Variants in TSSK4 observed in about 807,000 individuals in gnomAD.
The protein encoded by TSSK4 is testis-specific serine/threonine-protein kinase 4.
TSSK4 carries 22 observed loss-of-function variants against 28.5 expected under a neutral mutation model. The observed-to-expected ratio is 0.77, with a 90% confidence interval of 0.55 to 1.10. The LOEUF (loss-of-function observed/expected upper bound fraction) is 1.10. Among genes scored for constraint, TSSK4 ranks in the 50% least tolerant of loss-of-function variants. The pLI is 0.00. For synonymous variants in TSSK4, 151 were observed against 158.3 expected (o/e 0.95, Z 0.35); for missense variants, 329 against 415.4 (o/e 0.79, Z 1.81).
rs760082859 is a variant in TSSK4, at chr14:24,207,238, C to T, written c.563C>T (p.Pro188Leu). ...GCCAAGATGGTGCCTTCTAACCAGC[C>T]TGTGGGTTGTAGCCCTTCTTACCGC... ...GFAKMVPSNQ[P>L]VGCSPSYRQV... Residue 188 changes from proline to leucine, a missense_variant, in exon 3 of 4, where the codon CCT becomes CTT. Pro to Leu is a moderately conservative substitution (Grantham distance 98). Coordinates refer to ENST00000339917, the MANE Select transcript of TSSK4 (RefSeq NM_001184739.2). The T allele has an allele frequency of 1.2e-6, 2 of 1,614,072 alleles. No individual in the cohort carries two copies. Among genetic ancestry groups the T allele is most frequent in the African/African-American group, 1.3e-5 (1 of 74,932 alleles).
rs571823153 is a variant in TSSK4 at position 24,206,339 on chromosome 14, A to G, written c.226-170A>G. 7.9e-5 allele frequency among the ~76,000 whole-genome samples: 12 copies of G among 152,336 alleles called. No individual in the cohort carries two copies. In the South Asian group the frequency reaches 1.0e-3, roughly 13 times the overall value. ...TCCACCCACTCACCTTCAGTCCCCA[A>G]AAAGTAAAGGCACAAAACATAGCAT... On this transcript the variant is annotated intron_variant, in intron 1 of 3. Coordinates refer to ENST00000339917, the MANE Select transcript of TSSK4 (RefSeq NM_001184739.2).
At position 24,208,073 on chromosome 14, in the gene TSSK4, TC is replaced by T. The variant is rs1339832908; in HGVS notation, c.945del (p.Arg316GlyfsTer27). 1 of 1,614,194 alleles carries T rather than the reference TC, an allele frequency of 6.2e-7. No homozygotes were observed. The highest frequency in any genetic ancestry group is 1.1e-5 in the South Asian group (1 of 91,084). On this transcript the variant is annotated frameshift_variant, in exon 4 of 4. Coordinates refer to ENST00000339917, the MANE Select transcript of TSSK4 (RefSeq NM_001184739.2). LOFTEE classifies it high-confidence loss of function. ...CAGCCTGAGCAACCCACCCATGAGA[TC>T]AGGCTGCTTGAGGCCATGTGCCAGC... ...KFQPEQPTHE[I>X]RLLEAMCQLH...
intron 2 of TSSK4, 184 bp from the exon 3 acceptor site, chr14:24,206,932 G>T (rs921050643): frequency 1.0e-6 from 1 of 995,104 alleles, no homozygotes; most frequent in African/African-American, 1.6e-5. Flanking sequence ...AGCTCCCGGT[G>T]GTCCTCAGAT....
At chr14:24,207,787 T>A in intron 3 of TSSK4, 177 bp from the exon 4 acceptor site, 4 of 1,260,964 alleles carry the variant, frequency 3.2e-6, no homozygotes, top group Non-Finnish European at 4.5e-6. Context: ...AAGGAACTCT[T>A]CCCTTCCCCT....
At chr14:24,206,220 G>A in intron 1 of TSSK4, 72 bp downstream of exon 1, 1 of 1,429,574 alleles carries the variant, frequency 7.0e-7, no homozygotes, top group Admixed American at 1.8e-5. Context: ...GAAGGGGTAT[G>A]GCCAGGAGGG....
intron 3 of TSSK4, 180 bp from the exon 4 acceptor site, chr14:24,207,784 T>C: frequency 8.1e-7 from 1 of 1,236,118 alleles, no homozygotes; most frequent in Non-Finnish European, 1.1e-6. Context: ...CCCAAGGAAC[T>C]CTTCCCTTCC....
chr14:24,207,410 C>G lies in TSSK4; in HGVS notation c.735C>G (p.Ala245=). The G allele has an allele frequency of 1.9e-6, 3 of 1,614,182 alleles. No homozygotes were observed. Among genetic ancestry groups the G allele is most frequent in the Non-Finnish European group, 2.5e-6 (3 of 1,180,044 alleles). The change falls in exon 3 of 4, where the codon GCC becomes GCG. Residue 245 remains alanine, a synonymous_variant. Transcript: ENST00000339917. ...MGVILYTLVV[A]HLPFDDTNLK... is the part of the protein sequence containing the mutation. Reference sequence around the variant, plus strand: ...TCATCCTTTACACTCTAGTGGTCGCCCATCTGCCCTTTGATGACACCAATC... The same window carrying G: ...TCATCCTTTACACTCTAGTGGTCGCGCATCTGCCCTTTGATGACACCAATC...
rs145494283 is a variant in TSSK4, at chr14:24,206,625, C to A, written c.342C>A (p.Ile114=). The change falls in exon 2 of 4, where the codon ATC becomes ATA. Residue 114 remains isoleucine (I), a synonymous_variant. Transcript: ENST00000339917. The part of the protein sequence containing the change: ...LAQGGDVLEW[I]QRYGACSEPL... ...AGGGTGGTGATGTCCTTGAATGGAT[C>A]CAGCGCTACGGGGCCTGCTCTGAGC... 6.8e-6 allele frequency: 11 copies of A among 1,614,220 alleles called. No individual in the cohort carries two copies. Among genetic ancestry groups the A allele is most frequent in the Non-Finnish European group, 8.5e-6 (10 of 1,180,046 alleles).
chr14:24,207,924 G>A (rs766393410), intron 3 of TSSK4, 40 bp from the exon 4 acceptor site: 1 of 1,613,798 alleles, frequency 6.2e-7, no homozygotes, highest in Admixed American at 1.7e-5. Flanking sequence ...TGGCACAATG[G>A]AGAAAAACTC....
rs35468205 is a variant in TSSK4, at chr14:24,206,716, G to A, written c.433G>A (p.Val145Met). ...GIAYLHSKSI[V>M]HRLMPSLSAA... is the part of the protein sequence containing the mutation. ...TGCCTACCTGCACAGCAAGAGCATC[G>A]TGCACCGGTGAGGGCGCTGCCACCC... The change falls in exon 2 of 4, where the codon GTG becomes ATG. Residue 145 changes from valine to methionine, a missense_variant. Transcript: ENST00000339917. 2,637 of 1,613,510 alleles carry A rather than the reference G, an allele frequency of 1.6e-3. 1 individual carries two copies. Among genetic ancestry groups the A allele is most frequent in the Non-Finnish European group, 2.0e-3 (2,389 of 1,179,992 alleles).
intron 3 of TSSK4, 88 bp downstream of exon 3, chr14:24,207,597 C>T: frequency 6.9e-7 from 1 of 1,445,766 alleles, no homozygotes; most frequent in African/African-American, 1.4e-5. Context: ...ACCTAGGCCT[C>T]CCAACCCTGG....
Position 24,206,494 on chromosome 14 carries a change from T to C in TSSK4, c.226-15T>C. Reference sequence around the variant, plus strand: ...CTCCCTTCCCAGGTTTGATGGGTCCTTCTTCTGGGGTCAGGTAATGAAAGT... The same window carrying C: ...CTCCCTTCCCAGGTTTGATGGGTCCCTCTTCTGGGGTCAGGTAATGAAAGT... On this transcript the variant is annotated splice_polypyrimidine_tract_variant and intron_variant, in intron 1 of 3. Coordinates refer to ENST00000339917, the MANE Select transcript of TSSK4 (RefSeq NM_001184739.2). 6.2e-7 allele frequency: 1 copy of C among 1,614,068 alleles called. No homozygotes were observed. The highest frequency in any genetic ancestry group is 1.3e-5 in the African/African-American group (1 of 75,048).
rs780245269 is a variant in TSSK4 at position 24,207,127 on chromosome 14, G to A, written c.452G>A (p.Ser151Asn). 1.9e-5 allele frequency: 31 copies of A among 1,607,156 alleles called. No homozygotes were observed. The highest frequency in any genetic ancestry group is 2.7e-5 in the African/African-American group (2 of 74,876). ...AGCCCTCTCCCCAGCCTGATGCCCA[G>A]CCTTTCTGCTGCTGGTAGGGACTTA... ...SKSIVHRLMPSLSAAGRDLKL... is the reference protein window; with the variant it reads ...SKSIVHRLMPNLSAAGRDLKL... Residue 151 changes from serine to asparagine, a missense_variant, in exon 3 of 4, where the codon AGC (serine) becomes AAC (asparagine). Around this residue, in one of 3 missense-constraint regions of TSSK4, gnomAD observed 175 missense variants for 196.0 expected, o/e 0.89. Coordinates refer to ENST00000339917, the MANE Select transcript of TSSK4 (RefSeq NM_001184739.2).
At position 24,208,141 on chromosome 14, in the gene TSSK4, A is replaced by T. The variant is rs1351039218; in HGVS notation, c.1012A>T (p.Thr338Ser). ...ACAGCACCAATCCTTGCAAATTACG[A>T]CCTGAAAATGGCTGAGGGAGGGGGC... ...TKQHQSLQIT[T>S] Residue 338 changes from threonine to serine, a missense_variant, in exon 4 of 4, where the codon ACC (threonine) becomes TCC (serine). This residue lies in a region of TSSK4 where 139 missense variants were observed against 178.1 expected (regional missense o/e 0.78). Coordinates refer to ENST00000339917, the MANE Select transcript of TSSK4 (RefSeq NM_001184739.2). The T allele has an allele frequency of 6.3e-7, 1 of 1,588,620 alleles. No individual in the cohort carries two copies. The highest frequency in any genetic ancestry group is 8.6e-7 in the Non-Finnish European group (1 of 1,168,178).
chr14:24,207,404 G>T lies in TSSK4; in HGVS notation c.729G>T (p.Val243=). ...WSMGVILYTL[V]VAHLPFDDTN... is the part of the protein sequence containing the mutation. ...TGGGCGTCATCCTTTACACTCTAGT[G>T]GTCGCCCATCTGCCCTTTGATGACA... The change falls in exon 3 of 4, where the codon GTG becomes GTT. Residue 243 remains valine, a synonymous_variant. Coordinates refer to ENST00000339917, the MANE Select transcript of TSSK4 (RefSeq NM_001184739.2). The T allele has an allele frequency of 1.2e-6, 2 of 1,614,108 alleles. No homozygotes were observed. The highest frequency in any genetic ancestry group is 2.2e-5 in the South Asian group (2 of 91,086).
chr14:24,207,559 G>A, intron 3 of TSSK4, 50 bp downstream of exon 3: 1 of 1,542,086 alleles, frequency 6.5e-7, no homozygotes, highest in South Asian at 1.3e-5. Flanking sequence ...CCCACAGGGA[G>A]GGGTGAATAT....
chr14:24,207,011 T>A lies in TSSK4; in HGVS notation c.441-105T>A, dbSNP rs781003306. 8.9e-6 allele frequency: 13 copies of A among 1,467,422 alleles called. No homozygotes were observed. The African/African-American group carries it at 1.7e-4, about 19-fold the overall frequency. The allele number at this position is 1,467,422 out of a possible 1,614,324, so 90.9% of individuals were successfully genotyped here. On this transcript the variant is annotated intron_variant, in intron 2 of 3. Transcript: ENST00000339917. ...TCCATGGCTTTCCTTCCTCTCTACC[T>A]TGTGCCCTCATAATGGTTTCTACCT... is the stretch of plus-strand genomic sequence containing the variant.
chr14:24,206,881 G>A, intron 2 of TSSK4, 158 bp downstream of exon 2: 1 of 991,772 alleles, frequency 1.0e-6, no homozygotes, highest in Non-Finnish European at 1.5e-6. Flanking sequence ...TACTGATAAA[G>A]TACTCACTGT....
chr14:24,207,607 G>A, intron 3 of TSSK4, 98 bp downstream of exon 3: 1 of 1,379,426 alleles, frequency 7.2e-7, no homozygotes. Context: ...CCCAACCCTG[G>A]GGAAAGGCTC....
Sources: allele counts gnomAD v4.1 joint callset (sites outside exome capture counted in the v4.1 genomes callset), GRCh38; gene constraint gnomAD v4.1.1; regional missense constraint gnomAD v4.1.1; transcripts MANE v1.5; gene names NCBI Gene and HGNC (gene_info 2026-07-23, HGNC 2026-07-21).